The following SMAD3 variants were observed in gnomAD, a reference collection of about 807,000 sequenced individuals.
SMAD3 encodes MAD homolog 3.
Under a neutral mutation model 51.8 loss-of-function variants are expected in SMAD3, and 12 were observed. That is an observed-to-expected ratio of 0.23 (90% CI 0.15 to 0.38). The LOEUF (loss-of-function observed/expected upper bound fraction) is 0.38, where lower values mean the gene tolerates loss of function less well. Ranked by LOEUF, SMAD3 falls within the 10% of genes least tolerant of loss-of-function variation. The probability of loss-of-function intolerance (pLI) is 1.00; values close to 1 mark genes in which losing one functional copy is unlikely to be tolerated. For missense variants in SMAD3, 294 were observed against 565.6 expected (o/e 0.52, Z 4.87); for synonymous variants, 238 against 227.7 (o/e 1.05, Z -0.41).
chr15:67,119,040 T>C (rs1185634793), intron 1 of SMAD3, among the ~76,000 whole-genome samples: 1 of 152,144 alleles, frequency 6.6e-6, no homozygotes, highest in African/African-American at 2.4e-5. Context: ...AGCTGAGATA[T>C]ACATTTGTGA....
intron 1 of SMAD3, among the ~76,000 whole-genome samples, chr15:67,147,727 A>G (rs904763531): frequency 6.6e-6 from 1 of 152,196 alleles, no homozygotes; most frequent in African/African-American, 2.4e-5. Context: ...TGTCTCATTC[A>G]TTCCATGACC....
intron 1 of SMAD3, among the ~76,000 whole-genome samples, chr15:67,111,279 A>C (rs1228131139): frequency 6.6e-6 from 1 of 152,176 alleles, no homozygotes; most frequent in Non-Finnish European, 1.5e-5. Flanking sequence ...CTTTCACTTA[A>C]CATATTTTCA....
intron 6 of SMAD3, among the ~76,000 whole-genome samples, 172 bp downstream of exon 6, chr15:67,181,625 C>T (rs1041140705): frequency 1.3e-5 from 2 of 152,036 alleles, no homozygotes; most frequent in Non-Finnish European, 2.9e-5. Flanking sequence ...AAGTCCCCTA[C>T]ACTCTCTGTT....
chr15:67,144,971 C>G (rs1157475323), intron 1 of SMAD3, among the ~76,000 whole-genome samples: 1 of 152,096 alleles, frequency 6.6e-6, no homozygotes, highest in Non-Finnish European at 1.5e-5. Context: ...CCTCACAAAG[C>G]CAGGCGCACA....
chr15:67,173,746 A>C (rs755742381), intron 5 of SMAD3, among the ~76,000 whole-genome samples: 3 of 152,238 alleles, frequency 2.0e-5, no homozygotes, highest in African/African-American at 4.8e-5. Context: ...AAACAAAACA[A>C]AACAAAAACC....
Position 67,164,887 on chromosome 15 carries a change from C to T in SMAD3, c.207-8C>T. 1 of 1,612,678 alleles carries T rather than the reference C, an allele frequency of 6.2e-7. No individual in the cohort carries two copies. The highest frequency in any genetic ancestry group is 8.5e-7 in the Non-Finnish European group (1 of 1,179,996). On this transcript the variant is annotated splice_polypyrimidine_tract_variant and splice_region_variant and intron_variant, in intron 1 of 8. Coordinates refer to ENST00000327367, the MANE Select transcript of SMAD3 (RefSeq NM_005902.4). ...TCCCTCTCTTTCTGCCCCTCCCCGT[C>T]CTGGCAGGTCCCTGGATGGCCGGTT...
intron 1 of SMAD3, among the ~76,000 whole-genome samples, chr15:67,089,427 C>G (rs1012030782): frequency 6.6e-6 from 1 of 152,194 alleles, no homozygotes; most frequent in Admixed American, 6.5e-5. Context: ...AGCACCTTCC[C>G]ATTGGTTTAT....
At chr15:67,159,304 C>T (rs1482886279) in intron 1 of SMAD3, among the ~76,000 whole-genome samples, 1 of 152,134 alleles carries the variant, frequency 6.6e-6, no homozygotes, top group African/African-American at 2.4e-5. Context: ...TTCCTGGGAT[C>T]AAGTGATCCA....
intron 3 of SMAD3, chr15:67,166,015 G>T: frequency 5.0e-6 from 1 of 201,492 alleles, no homozygotes; most frequent in Non-Finnish European, 9.1e-6. Flanking sequence ...TTGCTTGCTG[G>T]GGCAGTAATC....
intron 2 of SMAD3, 80 bp downstream of exon 2, chr15:67,165,168 T>A: frequency 1.9e-6 from 3 of 1,609,990 alleles, no homozygotes; most frequent in Non-Finnish European, 2.5e-6. Flanking sequence ...CCCCCGAGGG[T>A]CTGCGGTGCA....
intron 6 of SMAD3, among the ~76,000 whole-genome samples, chr15:67,183,000 A>ATATAT (rs1555413789): frequency 4.4e-4 from 19 of 43,628 alleles, no homozygotes; most frequent in African/African-American, 8.2e-4. Context: ...AAAAAAAAAA[A>ATATAT]ATATATATAT....
chr15:67,108,954 A>T (rs1228335001), intron 1 of SMAD3, among the ~76,000 whole-genome samples: 2 of 152,376 alleles, frequency 1.3e-5, no homozygotes, highest in South Asian at 2.1e-4. Context: ...TATGAATGTT[A>T]CACAGATCAA....
chr15:67,120,940 C>T (rs761413547), intron 1 of SMAD3, among the ~76,000 whole-genome samples: 80 of 152,164 alleles, frequency 5.3e-4, no homozygotes, highest in Non-Finnish European at 9.7e-4. Context: ...ACTCTTCCAT[C>T]GTGGCCCAGG....
In SMAD3 at chr15:67,170,607, G is replaced by A. The variant is rs1458830662; in HGVS notation, c.658+3G>A. ...GTCCCCAGCACATAATAACTTGGGT[G>A]AGTATCTCCTTGTGCACACAACTGG... is the stretch of plus-strand genomic sequence containing the variant. On this transcript the variant is annotated splice_donor_region_variant and intron_variant, in intron 5 of 8. Transcript: ENST00000327367. 2 of 1,613,296 alleles carry A rather than the reference G, an allele frequency of 1.2e-6. No homozygotes were observed. Among genetic ancestry groups the A allele is most frequent in the East Asian group, 2.2e-5 (1 of 44,898 alleles).
chr15:67,066,866 G>A (rs1165488167), intron 1 of SMAD3, among the ~76,000 whole-genome samples: 1 of 152,274 alleles, frequency 6.6e-6, no homozygotes, highest in Non-Finnish European at 1.5e-5. Context: ...TGTGGGTGAG[G>A]AGCGGGAGCC....
chr15:67,080,247 T>C (rs1362559840), intron 1 of SMAD3, among the ~76,000 whole-genome samples: 2 of 152,232 alleles, frequency 1.3e-5, no homozygotes, highest in Non-Finnish European at 2.9e-5. Context: ...CCCAAGGTCA[T>C]GCAACAAGTT....
chr15:67,151,134 C>T (rs1214642455), intron 1 of SMAD3, among the ~76,000 whole-genome samples: 1 of 151,880 alleles, frequency 6.6e-6, no homozygotes, highest in East Asian at 1.9e-4. Flanking sequence ...GCTGGGATTA[C>T]AGACGTGAGC....
At chr15:67,164,309 C>G (rs771976908) in intron 1 of SMAD3, among the ~76,000 whole-genome samples, 1 of 98,970 alleles carries the variant, frequency 1.0e-5, no homozygotes, top group Admixed American at 1.3e-4. Flanking sequence ...AGCGAGACTC[C>G]GTCTCAGAAA....
intron 1 of SMAD3, among the ~76,000 whole-genome samples, chr15:67,099,547 G>A (rs1453568449): frequency 2.0e-5 from 3 of 152,170 alleles, no homozygotes; most frequent in East Asian, 3.8e-4. Context: ...AGGTTTACTC[G>A]CCAGAGGTCC....
Sources: gnomAD v4.1 joint callset for allele counts (sites outside exome capture counted in the v4.1 genomes callset) on GRCh38, gnomAD v4.1.1 for gene constraint, MANE v1.5 for transcripts, NCBI Gene and HGNC (gene_info 2026-07-23, HGNC 2026-07-21) for gene names.